Variants in SCUBE1 observed in about 807,000 individuals in gnomAD.
SCUBE1 encodes signal peptide, CUB and EGF-like domain-containing protein 1.
Under a neutral mutation model 124.4 loss-of-function variants are expected in SCUBE1, and 59 were observed. The observed-to-expected ratio is 0.47, with a 90% CI of 0.38 to 0.59. The LOEUF (loss-of-function observed/expected upper bound fraction) is 0.59, where lower values mean the gene tolerates loss of function less well. Ranked by LOEUF, SCUBE1 falls within the 20% of genes least tolerant of loss-of-function variation. The pLI, the probability that SCUBE1 is intolerant of heterozygous loss-of-function variation, is 0.00. For missense variants in SCUBE1, 1,150 were observed against 1,371.2 expected, an observed-to-expected ratio of 0.84 and a Z score of 2.55; for synonymous variants, 545 against 550.9, an observed-to-expected ratio of 0.99 and a Z score of 0.15.
intron 5 of SCUBE1, among the ~76,000 whole-genome samples, chr22:43,259,205 G>A (rs1923780764): frequency 6.6e-6 from 1 of 152,174 alleles, no homozygotes; most frequent in Non-Finnish European, 1.5e-5. Flanking sequence ...GGTGACCCAA[G>A]TGCTCCCCAG....
chr22:43,217,226 G>C (rs1386301346), intron 15 of SCUBE1, among the ~76,000 whole-genome samples: 1 of 149,122 alleles, frequency 6.7e-6, no homozygotes, highest in Non-Finnish European at 1.5e-5. Flanking sequence ...CCTATTGTTT[G>C]AGGCTTCGGA....
intron 16 of SCUBE1, 163 bp from the exon 17 acceptor site, chr22:43,212,755 G>T: frequency 1.4e-6 from 1 of 692,008 alleles, no homozygotes; most frequent in South Asian, 1.9e-5. Flanking sequence ...AGCAGCCGGG[G>T]TGCAGGAAGC....
chr22:43,317,396 T>C (rs1427494514), intron 3 of SCUBE1, among the ~76,000 whole-genome samples: 1 of 152,172 alleles, frequency 6.6e-6, no homozygotes, highest in Non-Finnish European at 1.5e-5. Context: ...ATGTAGATAG[T>C]AACAGTTCTC....
chr22:43,264,468 G>A (rs756939317), intron 4 of SCUBE1, among the ~76,000 whole-genome samples: 4 of 152,170 alleles, frequency 2.6e-5, no homozygotes, highest in African/African-American at 9.7e-5. Context: ...TGGCTGGACC[G>A]GGTGGCCAGA....
chr22:43,271,823 G>C (rs527237925), intron 4 of SCUBE1, among the ~76,000 whole-genome samples: 1 of 152,240 alleles, frequency 6.6e-6, no homozygotes, highest in Admixed American at 6.5e-5. Flanking sequence ...TACCCAGAGC[G>C]CCCCTGTGTC....
chr22:43,255,571 T>C lies in SCUBE1; in HGVS notation c.727+2648A>G. 2.6e-6 allele frequency: 4 copies of C among 1,550,418 alleles called. No homozygotes were observed. Among genetic ancestry groups the C allele is most frequent in the Non-Finnish European group, 3.5e-6 (4 of 1,146,894 alleles). ...CTGAGAGCGCTCAATTGCAGCCTCA[T>C]CCTTCTCTAAAACACAAGTAAGGGA... On this transcript the variant is annotated intron_variant, in intron 6 of 21. Transcript: ENST00000360835. This position sits in a 1 kb window ranked among gnomAD's most constrained non-coding sequence, Gnocchi z 4.7.
chr22:43,286,279 G>C (rs1601860427), intron 4 of SCUBE1, among the ~76,000 whole-genome samples: 1 of 152,256 alleles, frequency 6.6e-6, no homozygotes, highest in African/African-American at 2.4e-5. Context: ...TCACGAGATG[G>C]TCCATGGTAG....
intron 4 of SCUBE1, among the ~76,000 whole-genome samples, chr22:43,265,547 G>C (rs1341681873): frequency 6.6e-6 from 1 of 152,134 alleles, no homozygotes; most frequent in Admixed American, 6.6e-5. Flanking sequence ...AACACCCCAC[G>C]GTAGGCCCCC....
intron 4 of SCUBE1, among the ~76,000 whole-genome samples, chr22:43,278,934 G>A (rs1363591222): frequency 1.3e-5 from 2 of 152,182 alleles, no homozygotes; most frequent in Non-Finnish European, 2.9e-5. Flanking sequence ...GGCCTCCTGA[G>A]GACACCTGTG....
intron 9 of SCUBE1, among the ~76,000 whole-genome samples, 163 bp from the exon 10 acceptor site, chr22:43,227,659 G>A (rs966189936): frequency 2.0e-5 from 3 of 152,070 alleles, no homozygotes; most frequent in South Asian, 2.1e-4. Context: ...GCACACACAC[G>A]CGTGGGTTTA....
At chr22:43,273,267 T>G (rs1389560161) in intron 4 of SCUBE1, among the ~76,000 whole-genome samples, 3 of 152,182 alleles carry the variant, frequency 2.0e-5, no homozygotes, top group African/African-American at 7.2e-5. Context: ...GAAAGCAGGA[T>G]GGATGCCAGC....
rs934812278 is a variant in SCUBE1 at position 43,255,238 on chromosome 22, G to A, written c.727+2981C>T. ...ACAACGAACAAATGTGTTTGATGGA[G>A]GGTAAAAACTTTAAAAAGGAAAAAG... is the stretch of plus-strand genomic sequence containing the variant. On this transcript the variant is annotated intron_variant, in intron 6 of 21. Transcript: ENST00000360835. This position sits in a 1 kb window ranked among gnomAD's most constrained non-coding sequence, Gnocchi z 4.7. Among the ~76,000 whole-genome samples the A allele has an allele frequency of 2.6e-5, 4 of 152,310 alleles. No individual in the cohort carries two copies. Among genetic ancestry groups the A allele is most frequent in the African/African-American group, 9.6e-5 (4 of 41,562 alleles).
chr22:43,334,685 C>T (rs1468805192), intron 2 of SCUBE1, among the ~76,000 whole-genome samples: 2 of 150,598 alleles, frequency 1.3e-5, no homozygotes, highest in Non-Finnish European at 3.0e-5. Context: ...TTATCATCGC[C>T]ATCAACATTA....
At chr22:43,299,047 G>A (rs1344785297) in intron 3 of SCUBE1, among the ~76,000 whole-genome samples, 6 of 100,032 alleles carry the variant, frequency 6.0e-5, no homozygotes, top group Admixed American at 1.4e-4. Context: ...GCGAGACTCC[G>A]TCTCAAAAAA....
intron 21 of SCUBE1, 101 bp downstream of exon 21, chr22:43,207,433 C>T: frequency 1.1e-6 from 1 of 892,210 alleles, no homozygotes; most frequent in Non-Finnish European, 1.9e-6. Flanking sequence ...ACCCACCCTC[C>T]CTTGCTCCTC....
At chr22:43,204,193 G>A (rs1475350912) in intron 21 of SCUBE1, 44 bp from the exon 22 acceptor site, 2 of 1,598,794 alleles carry the variant, frequency 1.3e-6, no homozygotes, top group South Asian at 1.1e-5. Flanking sequence ...CTTGGGGCCT[G>A]TAGGGTCTGT....
chr22:43,264,996 T>C (rs1924008740), intron 4 of SCUBE1, among the ~76,000 whole-genome samples: 1 of 152,246 alleles, frequency 6.6e-6, no homozygotes, highest in Non-Finnish European at 1.5e-5. Context: ...GCTTTCTTCC[T>C]GAGCTGGGAA....
chr22:43,311,808 T>G lies in SCUBE1; in HGVS notation c.349+8129A>C, dbSNP rs147931544. Reference sequence around the variant, plus strand: ...GGACCTAAGAGCCCTGCGAGAGATATCTCATCTAATTAATCTTTACCTCTG... The same window carrying G: ...GGACCTAAGAGCCCTGCGAGAGATAGCTCATCTAATTAATCTTTACCTCTG... On this transcript the variant is annotated intron_variant, in intron 3 of 21. Coordinates refer to ENST00000360835, the MANE Select transcript of SCUBE1 (RefSeq NM_173050.5). Among the ~76,000 whole-genome samples the G allele has an allele frequency of 5.4e-4, 82 of 152,198 alleles. No individual in the cohort carries two copies. In the East Asian group the frequency reaches 0.015, roughly 29 times the overall value.
chr22:43,234,325 C>G lies in SCUBE1; in HGVS notation c.845-2450G>C, dbSNP rs139886604. On this transcript the variant is annotated intron_variant, in intron 7 of 21. Transcript: ENST00000360835. The surrounding 1 kb of genome is among the most constrained non-coding windows in gnomAD (Gnocchi z 4.4). Reference sequence around the variant, plus strand: ...AACTGGGCTGCTAAATGGTGCCTCTCCTAGCATCGCCTCTCCCAGCATCCT... The same window carrying G: ...AACTGGGCTGCTAAATGGTGCCTCTGCTAGCATCGCCTCTCCCAGCATCCT... Among the ~76,000 whole-genome samples the G allele has an allele frequency of 4.1e-3, 630 of 152,244 alleles. 3 individuals are homozygous for G. The highest frequency in any genetic ancestry group is 0.014 in the African/African-American group (584 of 41,518).
Sources: allele counts gnomAD v4.1 joint callset (sites outside exome capture counted in the v4.1 genomes callset), GRCh38; gene constraint gnomAD v4.1.1; non-coding constraint Gnocchi (gnomAD v3.1); transcripts MANE v1.5; gene names NCBI Gene and HGNC (gene_info 2026-07-23, HGNC 2026-07-21).